CMTM8: variants seen among roughly 807,000 people sequenced by gnomAD.
CMTM8 encodes the protein CKLF-like MARVEL transmembrane domain-containing protein 8.
In CMTM8, 12 loss-of-function variants were observed where a neutral mutation model predicts 18.6. That is an observed-to-expected ratio of 0.65 (90% confidence interval 0.41 to 1.05). The LOEUF is 1.05. Among genes scored for constraint, CMTM8 ranks in the 50% least tolerant of loss-of-function variants. CMTM8 has a pLI of 0.00. For synonymous variants in CMTM8, 87 were observed against 90.6 expected, an observed-to-expected ratio of 0.96 and a Z score of 0.23; for missense variants, 217 against 227.2, an observed-to-expected ratio of 0.95 and a Z score of 0.29.
chr3:32,328,028 T>C (rs1226412221), intron 1 of CMTM8, among the ~76,000 whole-genome samples: 1 of 152,050 alleles, frequency 6.6e-6, no homozygotes, highest in African/African-American at 2.4e-5. Flanking sequence ...TTAGAAAACA[T>C]AGTAGAACCT....
At chr3:32,341,940 AATC>A (rs1696505535) in intron 1 of CMTM8, among the ~76,000 whole-genome samples, 1 of 151,640 alleles carries the variant, frequency 6.6e-6, no homozygotes, top group African/African-American at 2.4e-5. Flanking sequence ...CTATCTATAA[AATC>A]ATCATGATAA....
intron 1 of CMTM8, among the ~76,000 whole-genome samples, chr3:32,346,042 G>A (rs60962429): frequency 2.6e-5 from 4 of 152,100 alleles, no homozygotes; most frequent in African/African-American, 9.7e-5. Context: ...TAGTCCCACA[G>A]GCTTGGGAGG....
chr3:32,347,219 C>A (rs531894209), intron 1 of CMTM8, among the ~76,000 whole-genome samples: 105 of 147,544 alleles, frequency 7.1e-4, no homozygotes, highest in Admixed American at 1.7e-3. Context: ...ACAATGATTT[C>A]TTTTGATTTT....
intron 3 of CMTM8, among the ~76,000 whole-genome samples, 186 bp downstream of exon 3, chr3:32,368,174 G>A (rs1006787892): frequency 1.3e-5 from 2 of 152,206 alleles, no homozygotes; most frequent in African/African-American, 4.8e-5. Flanking sequence ...GCCCGAAGTG[G>A]GAAAAGGCTG....
intron 1 of CMTM8, among the ~76,000 whole-genome samples, chr3:32,346,069 G>A (rs955417607): frequency 6.6e-6 from 1 of 152,162 alleles, no homozygotes; most frequent in African/African-American, 2.4e-5. Context: ...CAGGAGAATT[G>A]CTTGAACCCA....
intron 1 of CMTM8, among the ~76,000 whole-genome samples, chr3:32,330,902 A>G (rs1444038366): frequency 1.3e-5 from 2 of 152,214 alleles, no homozygotes; most frequent in African/African-American, 4.8e-5. Context: ...AAAATGAGAA[A>G]AGCTTCATGA....
At chr3:32,282,520 A>T (rs1355877491) in intron 1 of CMTM8, among the ~76,000 whole-genome samples, 1 of 152,194 alleles carries the variant, frequency 6.6e-6, no homozygotes, top group Non-Finnish European at 1.5e-5. Context: ...ATCAATTCTT[A>T]CCACCTGCAG....
At chr3:32,292,345 G>C (rs934863560) in intron 1 of CMTM8, among the ~76,000 whole-genome samples, 6 of 152,172 alleles carry the variant, frequency 3.9e-5, no homozygotes, top group African/African-American at 9.7e-5. Flanking sequence ...CAGGGGCCAA[G>C]AGACAAGGAC....
intron 1 of CMTM8, among the ~76,000 whole-genome samples, chr3:32,304,811 G>T (rs1695690480): frequency 6.6e-6 from 1 of 152,228 alleles, no homozygotes; most frequent in South Asian, 2.1e-4. Flanking sequence ...AACAGCTTCT[G>T]CAGTATAACA....
intron 1 of CMTM8, among the ~76,000 whole-genome samples, chr3:32,275,343 A>G (rs935417844): frequency 6.6e-6 from 1 of 152,152 alleles, no homozygotes; most frequent in African/African-American, 2.4e-5. Context: ...TTTGGAGACA[A>G]ACAGACTTGG....
intron 1 of CMTM8, among the ~76,000 whole-genome samples, chr3:32,347,937 G>A (rs932770199): frequency 6.6e-6 from 1 of 152,070 alleles, no homozygotes; most frequent in Non-Finnish European, 1.5e-5. Flanking sequence ...TATGTCTGAG[G>A]CATCTGTCAT....
At chr3:32,368,512 G>A (rs148716469) in intron 3 of CMTM8, among the ~76,000 whole-genome samples, 25 of 148,802 alleles carry the variant, frequency 1.7e-4, no homozygotes, top group Non-Finnish European at 2.8e-4. Flanking sequence ...CCAGGCTGGA[G>A]TGCAGTGGCA....
rs763045767 is a variant in CMTM8 at position 32,369,866 on chromosome 3, A to T, written c.439-18A>T. On this transcript the variant is annotated intron_variant, in intron 3 of 3. Coordinates refer to ENST00000307526, the MANE Select transcript of CMTM8 (RefSeq NM_178868.5). The stretch of plus-strand genomic sequence containing the variant: ...ATGTGCCCTAAACCCCACTTCTATT[A>T]TGCTTTGTTTTCTCCAGTTCTTTGC... 7 of 1,579,654 alleles carry T rather than the reference A, an allele frequency of 4.4e-6. No homozygotes were observed. The Admixed American group carries it at 1.2e-4, about 27-fold the overall frequency.
At chr3:32,277,853 T>A (rs1052019564) in intron 1 of CMTM8, among the ~76,000 whole-genome samples, 9 of 152,168 alleles carry the variant, frequency 5.9e-5, no homozygotes, top group African/African-American at 2.2e-4. Context: ...ATGGCAGTAA[T>A]CCTTTGGAGC....
At chr3:32,287,346 A>C (rs1263172522) in intron 1 of CMTM8, among the ~76,000 whole-genome samples, 2 of 152,152 alleles carry the variant, frequency 1.3e-5, no homozygotes, top group Non-Finnish European at 2.9e-5. Context: ...CAGAGTCATA[A>C]ATTTTGTTTT....
At chr3:32,291,222 G>A (rs931923824) in intron 1 of CMTM8, among the ~76,000 whole-genome samples, 1 of 151,818 alleles carries the variant, frequency 6.6e-6, no homozygotes, top group Admixed American at 6.6e-5. Flanking sequence ...TCTGCCCCCC[G>A]GGTTCACGCC....
intron 1 of CMTM8, among the ~76,000 whole-genome samples, chr3:32,340,305 G>A (rs1231428529): frequency 6.6e-6 from 1 of 152,192 alleles, no homozygotes; most frequent in African/African-American, 2.4e-5. Context: ...AGTGAAGATG[G>A]TCGCCATGCT....
intron 1 of CMTM8, among the ~76,000 whole-genome samples, chr3:32,287,498 G>T (rs1487920391): frequency 6.6e-6 from 1 of 152,052 alleles, no homozygotes; most frequent in Non-Finnish European, 1.5e-5. Flanking sequence ...TTTTTGTAGT[G>T]TTCAAATAAA....
intron 1 of CMTM8, among the ~76,000 whole-genome samples, chr3:32,315,237 C>T (rs950733282): frequency 6.6e-6 from 1 of 151,720 alleles, no homozygotes; most frequent in African/African-American, 2.4e-5. Context: ...TCAAGTGATT[C>T]TCCTGCCTCA....
Sources: gnomAD v4.1 joint callset for allele counts (sites outside exome capture counted in the v4.1 genomes callset) on GRCh38, gnomAD v4.1.1 for gene constraint, MANE v1.5 for transcripts, NCBI Gene and HGNC (gene_info 2026-07-23, HGNC 2026-07-21) for gene names.